Variants in TPM4 observed in about 807,000 individuals in gnomAD.
TPM4 encodes tropomyosin 4.
A neutral mutation model predicts 35.8 loss-of-function variants in TPM4; 17 were observed. The observed-to-expected ratio is 0.47, with a 90% CI of 0.32 to 0.71. The LOEUF (loss-of-function observed/expected upper bound fraction) is 0.71, where lower values mean the gene tolerates loss of function less well. Ranked by LOEUF, TPM4 falls within the 30% of genes least tolerant of loss-of-function variation. The pLI, the probability that TPM4 is intolerant of heterozygous loss-of-function variation, is 0.03. For synonymous variants in TPM4, 120 were observed against 122.9 expected, an observed-to-expected ratio of 0.98 and a Z score of 0.15; for missense variants, 240 against 320.9, an observed-to-expected ratio of 0.75 and a Z score of 1.93.
rs1046542168 is a variant in TPM4 at position 16,070,214 on chromosome 19, A to G, written c.114+2476A>G. ...CCCATCTCCTGGCAGCCAAGAGCCCACACAGACCCAGAACTTTGGAGACAA... is the reference window on the plus strand; with the variant it reads ...CCCATCTCCTGGCAGCCAAGAGCCCGCACAGACCCAGAACTTTGGAGACAA... On this transcript the variant is annotated intron_variant, in intron 2 of 2. Coordinates refer to the TPM4 transcript ENST00000589897. The surrounding 1 kb of genome is among the most constrained non-coding windows in gnomAD (Gnocchi z 7.4). Among the ~76,000 whole-genome samples the G allele has an allele frequency of 6.6e-6, 1 of 152,200 alleles. No homozygotes were observed. The highest frequency in any genetic ancestry group is 2.4e-5 in the African/African-American group (1 of 41,432).
At chr19:16,079,892 C>T (rs8109182) in intron 1 of TPM4, 71,973 of 175,008 alleles carry the variant, frequency 0.41, 15,312 homozygotes, top group East Asian at 0.73. Flanking sequence ...AGTAGAGATG[C>T]GGTTTCACCA....
chr19:16,102,463 T>G lies in TPM4; in HGVS notation c.*1117T>G. On this transcript the variant is annotated 3_prime_UTR_variant, in exon 8 of 8. Coordinates refer to ENST00000643579, the MANE Select transcript of TPM4 (RefSeq NM_003290.3). ...TCAGCCATATCCAAAAGACCACAAG[T>G]CATTACTAAGTTGAGCAAAAGAGTT... 1 of 225,678 alleles carries G rather than the reference T, an allele frequency of 4.4e-6. No individual in the cohort carries two copies. The highest frequency in any genetic ancestry group is 2.2e-5 in the African/African-American group (1 of 44,986). 14.0% of individuals were successfully genotyped at this position (225,678 alleles called of 1,614,324 possible).
intron 3 of TPM4, 27 bp downstream of exon 3, chr19:16,086,567 C>T (rs2303150): frequency 0.066 from 103,975 of 1,585,818 alleles, 3,914 homozygotes; most frequent in Middle Eastern, 0.11. Context: ...GATGGCGCAG[C>T]AGCAGGAAGT....
At chr19:16,092,783 G>A (rs570451737) in intron 5 of TPM4, among the ~76,000 whole-genome samples, 39 of 152,262 alleles carry the variant, frequency 2.6e-4, no homozygotes, top group South Asian at 8.3e-4. Flanking sequence ...CGATCCACCC[G>A]CCTTGGCCTC....
At chr19:16,076,959 A>T in intron 1 of TPM4, 5 of 568,198 alleles carry the variant, frequency 8.8e-6, no homozygotes, top group Non-Finnish European at 7.3e-6. Context: ...AAATGGGGGG[A>T]TGGGGCGGAG....
chr19:16,088,733 G>T, intron 4 of TPM4: 1 of 1,126,006 alleles, frequency 8.9e-7, no homozygotes, highest in Non-Finnish European at 1.1e-6. Context: ...ACACCTTCCG[G>T]AGTCGGCCTC....
At chr19:16,096,169 T>C (rs1470424548) in intron 7 of TPM4, among the ~76,000 whole-genome samples, 1 of 152,168 alleles carries the variant, frequency 6.6e-6, no homozygotes, top group Non-Finnish European at 1.5e-5. Flanking sequence ...GACCTTGTGA[T>C]CCGCCTGCCT....
At chr19:16,076,735 C>A in intron 1 of TPM4, 38 bp downstream of exon 1, 2 of 1,288,862 alleles carry the variant, frequency 1.6e-6, no homozygotes, top group Non-Finnish European at 2.0e-6. Context: ...CCCGCAGCCT[C>A]CTCCCCCGCG....
rs1049412926 is a variant in TPM4, at chr19:16,070,864, G to A, written c.114+3126G>A. ...CTCCGCCTTCTCTGTGCCCCTCCCT[G>A]GCAAACACAGACATTCATCCTGTGC... On this transcript the variant is annotated intron_variant, in intron 2 of 2. Transcript: ENST00000589897. This position sits in a 1 kb window ranked among gnomAD's most constrained non-coding sequence, Gnocchi z 7.4. Among the ~76,000 whole-genome samples the A allele has an allele frequency of 6.6e-6, 1 of 152,104 alleles. No homozygotes were observed. Among genetic ancestry groups the A allele is most frequent in the African/African-American group, 2.4e-5 (1 of 41,398 alleles).
upstream of TPM4, among the ~76,000 whole-genome samples, chr19:16,073,847 C>T (rs948594805): frequency 1.4e-5 from 2 of 139,948 alleles, no homozygotes; most frequent in African/African-American, 2.6e-5. Context: ...GAGGCTGAGG[C>T]GGGAGGATCG....
At chr19:16,083,185 T>G (rs1027617856) in intron 2 of TPM4, among the ~76,000 whole-genome samples, 15 of 152,146 alleles carry the variant, frequency 9.9e-5, no homozygotes, top group African/African-American at 3.6e-4. Context: ...GGCTCACGCC[T>G]ATAATCCCAG....
Position 16,083,225 on chromosome 19 carries a change from A to C in TPM4, c.266+1179A>C, listed in dbSNP as rs538029601. On this transcript the variant is annotated intron_variant, in intron 2 of 7. Transcript: ENST00000643579. Reference sequence around the variant, plus strand: ...TTGCGATGACGAGGCGGGTGGATCAACTGAGGTCAGGTGTTTGAGACCAGA... The same window carrying C: ...TTGCGATGACGAGGCGGGTGGATCACCTGAGGTCAGGTGTTTGAGACCAGA... Among the ~76,000 whole-genome samples, 105 of 152,218 alleles carry C rather than the reference A, an allele frequency of 6.9e-4. 1 individual carries two copies. Among genetic ancestry groups the C allele is most frequent in the African/African-American group, 2.3e-3 (96 of 41,546 alleles).
At chr19:16,093,187 T>TG (rs2090649737) in intron 5 of TPM4, 1 of 197,412 alleles carries the variant, frequency 5.1e-6, no homozygotes, top group South Asian at 9.6e-5. Flanking sequence ...TTTTTTTGTT[T>TG]TTGTTGTTGT....
intron 1 of TPM4, among the ~76,000 whole-genome samples, chr19:16,078,831 A>T (rs1486355537): frequency 2.6e-5 from 1 of 38,210 alleles, no homozygotes; most frequent in East Asian, 2.5e-3. Flanking sequence ...GGGGTGGGTT[A>T]AAAAAAAAAA....
Position 16,082,064 on chromosome 19 carries a change from C to T in TPM4, c.266+18C>T, listed in dbSNP as rs1167313808. ...AGTGAGAGGTAAGGACGCTTTGAATCTGGTGGCATCCGTGTTTGCTTTTAG... is the reference window on the plus strand; with the variant it reads ...AGTGAGAGGTAAGGACGCTTTGAATTTGGTGGCATCCGTGTTTGCTTTTAG... On this transcript the variant is annotated intron_variant, in intron 2 of 7. Coordinates refer to ENST00000643579, the MANE Select transcript of TPM4 (RefSeq NM_003290.3). 2 of 1,588,688 alleles carry T rather than the reference C, an allele frequency of 1.3e-6. No individual in the cohort carries two copies. Among genetic ancestry groups the T allele is most frequent in the Admixed American group, 1.7e-5 (1 of 58,986 alleles).
chr19:16,098,970 A>C (rs899743494), intron 7 of TPM4, among the ~76,000 whole-genome samples: 3 of 152,188 alleles, frequency 2.0e-5, no homozygotes, highest in East Asian at 1.9e-4. Flanking sequence ...TGGCTCGTCC[A>C]ACATAGTCAG....
At chr19:16,088,796 G>C (rs748564044) in intron 4 of TPM4, 5 of 1,263,468 alleles carry the variant, frequency 4.0e-6, no homozygotes, top group Non-Finnish European at 5.0e-6. Context: ...CAAAAGACCA[G>C]GAGTGTTTTC....
chr19:16,081,685 C>T (rs1468071596), intron 1 of TPM4: 12 of 379,816 alleles, frequency 3.2e-5, no homozygotes, highest in South Asian at 1.4e-4. Flanking sequence ...TGAGCCACCA[C>T]GCTTGGCGAT....
intron 7 of TPM4, among the ~76,000 whole-genome samples, chr19:16,097,239 C>T (rs1216910744): frequency 6.6e-6 from 1 of 151,666 alleles, no homozygotes; most frequent in Non-Finnish European, 1.5e-5. Context: ...CAGGCGTGAG[C>T]CACTTTGCCC....
Sources: gnomAD v4.1 joint callset for allele counts (sites outside exome capture counted in the v4.1 genomes callset) on GRCh38, gnomAD v4.1.1 for gene constraint, Gnocchi (gnomAD v3.1) non-coding constraint, MANE v1.5 for transcripts, NCBI Gene and HGNC (gene_info 2026-07-23, HGNC 2026-07-21) for gene names.